Variants in CDON observed in about 807,000 individuals in gnomAD.
CDON encodes cell adhesion associated, oncogene regulated.
A neutral mutation model predicts 120.9 loss-of-function variants in CDON; 73 were observed. The ratio of observed to expected loss-of-function variants is 0.60; its 90% CI spans 0.50 to 0.73. The LOEUF (loss-of-function observed/expected upper bound fraction) is 0.73, where lower values mean the gene tolerates loss of function less well. Ranked by LOEUF, CDON falls within the 30% of genes least tolerant of loss-of-function variation. The pLI is 0.00. For missense variants in CDON, 1,470 were observed against 1,587.3 expected, an observed-to-expected ratio of 0.93 and a Z score of 1.26; for synonymous variants, 566 against 573.5, an observed-to-expected ratio of 0.99 and a Z score of 0.19.
At chr11:126,014,833 A>C (rs74975990) in intron 7 of CDON, 16,611 of 160,036 alleles carry the variant, frequency 0.1, 897 homozygotes, top group Admixed American at 0.13. Context: ...AAAACAAAAA[A>C]AGGTATTGTT....
chr11:126,008,588 A>AT (rs1416388997), intron 8 of CDON, among the ~76,000 whole-genome samples: 3 of 152,164 alleles, frequency 2.0e-5, no homozygotes, highest in African/African-American at 4.8e-5. Flanking sequence ...GTTCGACAAA[A>AT]TATCTAGTTT....
At chr11:126,029,604 T>TA (rs1591406187) in intron 1 of CDON, among the ~76,000 whole-genome samples, 1 of 152,100 alleles carries the variant, frequency 6.6e-6, no homozygotes, top group East Asian at 1.9e-4. Context: ...CTAGAGGTAA[T>TA]AAAATCAGTG....
rs1188593586 is a variant in CDON at position 125,981,963 on chromosome 11, CTATTTTCTTTTTTTT to C, written c.2996-649_2996-635del. Among the ~76,000 whole-genome samples, 9 of 34,154 alleles carry C rather than the reference CTATTTTCTTTTTTTT, an allele frequency of 2.6e-4. No individual in the cohort carries two copies. In the South Asian group the frequency reaches 3.4e-3, roughly 13 times the overall value. The allele number at this position is 34,154 out of a possible 152,430, so 22.4% of individuals were successfully genotyped here. A position where few individuals can be genotyped will look rare whatever the true frequency, so the allele number is the denominator to read the frequency against. The stretch of plus-strand genomic sequence containing the variant: ...GGAGTACCAAAGGCAAAAAGTGATT[CTATTTTCTTTTTTTT>C]TTTTTTTTTTTTTTTTTTTTTTGAG... On this transcript the variant is annotated intron_variant, in intron 16 of 19. Transcript: ENST00000531738.
At chr11:126,001,685 T>C in intron 11 of CDON, 34 bp downstream of exon 11, 1 of 1,600,550 alleles carries the variant, frequency 6.2e-7, no homozygotes, top group Non-Finnish European at 8.6e-7. Context: ...TCAGTTATAT[T>C]TGTAAAGAAA....
chr11:126,002,122 C>T (rs1946964290), intron 10 of CDON, among the ~76,000 whole-genome samples: 1 of 152,108 alleles, frequency 6.6e-6, no homozygotes, highest in African/African-American at 2.4e-5. Flanking sequence ...GTGAAAAAGC[C>T]AAATGACTAA....
chr11:126,035,415 T>A (rs1948069503), intron 1 of CDON, among the ~76,000 whole-genome samples: 1 of 152,166 alleles, frequency 6.6e-6, no homozygotes, highest in Non-Finnish European at 1.5e-5. Context: ...AGTACCTTAT[T>A]CCATCTTTAA....
At position 125,981,179 on chromosome 11, in the gene CDON, A is replaced by T. The variant is rs1946286070; in HGVS notation, c.3146T>A (p.Leu1049His). ...GACTGCATTGGGGACCTTATGGTGA[A>T]GGTGGGAATAGCCACTGCTGAGACC... ...NGGLSSGYSH[L>H]HHKVPNAVNG... Residue 1049 changes from leucine to histidine, a missense_variant, in exon 17 of 20, where the codon CTT becomes CAT. Leu to His is a moderately conservative substitution (Grantham distance 99, BLOSUM62 -3). Coordinates refer to ENST00000531738, the MANE Select transcript of CDON (RefSeq NM_001378964.1). 1 of 1,614,050 alleles carries T rather than the reference A, an allele frequency of 6.2e-7. No homozygotes were observed. The highest frequency in any genetic ancestry group is 1.3e-5 in the African/African-American group (1 of 74,920).
At chr11:126,035,285 C>A (rs1948065260) in intron 1 of CDON, among the ~76,000 whole-genome samples, 1 of 152,158 alleles carries the variant, frequency 6.6e-6, no homozygotes, top group African/African-American at 2.4e-5. Context: ...ATCTTTGCTG[C>A]AAATAAACTT....
chr11:125,980,823 A>C (rs1027032062), intron 17 of CDON, among the ~76,000 whole-genome samples: 1 of 152,254 alleles, frequency 6.6e-6, no homozygotes, highest in African/African-American at 2.4e-5. Flanking sequence ...TCAGTGTTAA[A>C]TAATTTTAAA....
intron 1 of CDON, among the ~76,000 whole-genome samples, chr11:126,027,694 G>A (rs1947830046): frequency 6.6e-6 from 1 of 152,242 alleles, no homozygotes; most frequent in South Asian, 2.1e-4. Flanking sequence ...CTTGGCAAGG[G>A]AGACAATAAC....
intron 18 of CDON, among the ~76,000 whole-genome samples, chr11:125,971,959 G>A (rs1330535843): frequency 6.6e-6 from 1 of 152,186 alleles, no homozygotes; most frequent in Non-Finnish European, 1.5e-5. Flanking sequence ...GAGAAGAGAA[G>A]GGTAGAAAGC....
chr11:126,062,496 T>A (rs1171584824), intron 1 of CDON, 83 bp downstream of exon 1: 1 of 151,612 alleles, frequency 6.6e-6, no homozygotes, highest in Non-Finnish European at 1.5e-5. Flanking sequence ...GGACCTCCCG[T>A]CCCCTAAGCC....
Position 125,957,899 on chromosome 11 carries a change from G to A in CDON, c.*3043C>T, listed in dbSNP as rs1945527830. ...AGGAGATCGTGAAATGATACAGTGGGAGCGGGGCAGTTTATGCTAAAACAA... is the reference window on the plus strand; with the variant it reads ...AGGAGATCGTGAAATGATACAGTGGAAGCGGGGCAGTTTATGCTAAAACAA... On this transcript the variant is annotated 3_prime_UTR_variant, in exon 20 of 20. Coordinates refer to ENST00000531738, the MANE Select transcript of CDON (RefSeq NM_001378964.1). The A allele has an allele frequency of 6.6e-6, 1 of 152,198 alleles. No homozygotes were observed. Among genetic ancestry groups the A allele is most frequent in the South Asian group, 2.1e-4 (1 of 4,828 alleles). The allele number at this position is 152,198 out of a possible 1,614,324, so 9.4% of individuals were successfully genotyped here. A position where few individuals can be genotyped will look rare whatever the true frequency, so the allele number is the denominator to read the frequency against.
At chr11:126,042,143 CA>C (rs1948279430) in intron 1 of CDON, among the ~76,000 whole-genome samples, 1 of 152,132 alleles carries the variant, frequency 6.6e-6, no homozygotes, top group Non-Finnish European at 1.5e-5. Context: ...CTCGGCCTCC[CA>C]AAGTGCTGGG....
chr11:126,008,786 G>T (rs1303907845), intron 8 of CDON, among the ~76,000 whole-genome samples: 3 of 152,160 alleles, frequency 2.0e-5, no homozygotes, highest in Non-Finnish European at 4.4e-5. Context: ...ATTTATAGGT[G>T]CAAATTTATG....
chr11:125,971,435 T>C (rs1945995081), intron 18 of CDON, among the ~76,000 whole-genome samples: 2 of 146,562 alleles, frequency 1.4e-5, no homozygotes, highest in South Asian at 4.3e-4. Context: ...GTTCTCATAT[T>C]CATCTCTACA....
chr11:126,010,200 A>G (rs1172703484), intron 8 of CDON, 141 bp downstream of exon 8: 1 of 666,560 alleles, frequency 1.5e-6, no homozygotes, highest in African/African-American at 1.8e-5. Context: ...ATACCAAGAA[A>G]TACAGTTCTA....
chr11:125,959,903 T>C lies in CDON; in HGVS notation c.*1039A>G, dbSNP rs1425074029. The C allele has an allele frequency of 6.6e-6, 1 of 152,140 alleles. No homozygotes were observed. Among genetic ancestry groups the C allele is most frequent in the Non-Finnish European group, 1.5e-5 (1 of 68,028 alleles). 9.4% of individuals were successfully genotyped at this position (152,140 alleles called of 1,614,324 possible). ...CCGAGAAACAGTCAAAAAGAGCCCA[T>C]AGTGGCCATTTTATAAATTAATGTA... On this transcript the variant is annotated 3_prime_UTR_variant, in exon 20 of 20. Coordinates refer to ENST00000531738, the MANE Select transcript of CDON (RefSeq NM_001378964.1).
At chr11:125,988,907 TA>T (rs1226821335) in intron 15 of CDON, among the ~76,000 whole-genome samples, 1 of 152,206 alleles carries the variant, frequency 6.6e-6, no homozygotes, top group Non-Finnish European at 1.5e-5. Context: ...TTAATATTCT[TA>T]AACTTTTGTT....
Sources: gnomAD v4.1 joint callset for allele counts (sites outside exome capture counted in the v4.1 genomes callset) on GRCh38, gnomAD v4.1.1 for gene constraint, MANE v1.5 for transcripts, NCBI Gene and HGNC (gene_info 2026-07-23, HGNC 2026-07-21) for gene names.